XKR6: variants seen among roughly 807,000 people sequenced by gnomAD.
The protein encoded by XKR6 is XK related 6, also known as XK-related protein 6.
A neutral mutation model predicts 56.7 loss-of-function variants in XKR6; 22 were observed. The ratio of observed to expected loss-of-function variants is 0.39; its 90% CI spans 0.28 to 0.55. XKR6 has a LOEUF of 0.55. Among genes scored for constraint, XKR6 ranks in the 20% least tolerant of loss-of-function variants. The probability of loss-of-function intolerance (pLI) is 0.66; values close to 1 mark genes in which losing one functional copy is unlikely to be tolerated. For missense variants in XKR6, 852 were observed against 889.0 expected, an observed-to-expected ratio of 0.96 and a Z score of 0.53; for synonymous variants, 524 against 387.8, an observed-to-expected ratio of 1.35 and a Z score of -4.13.
At chr8:10,912,968 G>A (rs565930567) in intron 2 of XKR6, among the ~76,000 whole-genome samples, 2 of 150,546 alleles carry the variant, frequency 1.3e-5, no homozygotes, top group East Asian at 3.9e-4. Flanking sequence ...CATCTGTAGA[G>A]AGAAGATGAG....
chr8:11,069,899 G>A (rs1285231852), intron 1 of XKR6, among the ~76,000 whole-genome samples: 1 of 152,134 alleles, frequency 6.6e-6, no homozygotes, highest in Non-Finnish European at 1.5e-5. Context: ...GTCAACCTTG[G>A]GTATTTTAAT....
chr8:11,188,423 G>A (rs1205236099), intron 1 of XKR6, among the ~76,000 whole-genome samples: 10 of 152,082 alleles, frequency 6.6e-5, no homozygotes, highest in South Asian at 2.1e-4. Flanking sequence ...CTTCAGCTTC[G>A]TTTTGACAAC....
chr8:10,983,653 CT>C (rs201678404), intron 1 of XKR6, among the ~76,000 whole-genome samples: 2 of 144,594 alleles, frequency 1.4e-5, no homozygotes, highest in Admixed American at 6.8e-5. Context: ...CTTACATATT[CT>C]TTTTTTTGTT....
chr8:10,941,257 G>A (rs1801377727), intron 1 of XKR6, among the ~76,000 whole-genome samples: 1 of 152,112 alleles, frequency 6.6e-6, no homozygotes, highest in South Asian at 2.1e-4. Context: ...GCCCTTGACT[G>A]TCTGCAGGTT....
At chr8:10,995,940 A>G (rs10107384) in intron 1 of XKR6, among the ~76,000 whole-genome samples, 71,715 of 151,998 alleles carry the variant, frequency 0.47, 21,453 homozygotes, top group African/African-American at 0.85. Context: ...ATACTGGCCC[A>G]TGACCTTGGG....
intron 1 of XKR6, among the ~76,000 whole-genome samples, chr8:11,157,395 G>C (rs1801574139): frequency 1.3e-5 from 2 of 152,090 alleles, no homozygotes; most frequent in African/African-American, 4.8e-5. Context: ...TTTAACAGTG[G>C]GGGAAGCTGA....
At chr8:10,948,501 C>G (rs1801616533) in intron 1 of XKR6, among the ~76,000 whole-genome samples, 1 of 152,094 alleles carries the variant, frequency 6.6e-6, no homozygotes, top group African/African-American at 2.4e-5. Flanking sequence ...GCGGGGAAGA[C>G]CAGGTGAGCT....
At chr8:10,912,458 TATATATATAG>T (rs1356969712) in intron 2 of XKR6, among the ~76,000 whole-genome samples, 3 of 119,882 alleles carry the variant, frequency 2.5e-5, no homozygotes, top group African/African-American at 1.1e-4. Context: ...TATATATATA[TATATATATAG>T]AGAGAGAGAG....
chr8:11,179,573 A>C (rs912513893), intron 1 of XKR6, among the ~76,000 whole-genome samples: 8 of 152,110 alleles, frequency 5.3e-5, no homozygotes, highest in Non-Finnish European at 1.2e-4. Context: ...AAAACACTAG[A>C]GTTTCAGTCC....
rs530715458 is a variant in XKR6, at chr8:11,186,785, G to A, written c.764+13791C>T. On this transcript the variant is annotated intron_variant, in intron 1 of 2. Transcript: ENST00000416569. ...CCTGAGGATGTCGAAGCCACCACCAGCCATACCACCCCACGACAAACAATA... is the reference window on the plus strand; with the variant it reads ...CCTGAGGATGTCGAAGCCACCACCAACCATACCACCCCACGACAAACAATA... 2.0e-5 allele frequency among the ~76,000 whole-genome samples: 3 copies of A among 152,274 alleles called. No individual in the cohort carries two copies. In the East Asian group the frequency reaches 5.8e-4, roughly 29 times the overall value.
intron 1 of XKR6, among the ~76,000 whole-genome samples, chr8:11,147,810 G>GT (rs1391151897): frequency 6.6e-6 from 1 of 152,176 alleles, no homozygotes; most frequent in Non-Finnish European, 1.5e-5. Flanking sequence ...GTGCTGGCAA[G>GT]TATTACAGGC....
chr8:11,185,779 C>T (rs1180704539), intron 1 of XKR6, among the ~76,000 whole-genome samples: 1 of 152,104 alleles, frequency 6.6e-6, no homozygotes, highest in African/African-American at 2.4e-5. Flanking sequence ...TCCCTGAAGG[C>T]CATTTTTACC....
chr8:11,100,152 A>G (rs1586544018), intron 1 of XKR6, among the ~76,000 whole-genome samples: 1 of 152,138 alleles, frequency 6.6e-6, no homozygotes, highest in African/African-American at 2.4e-5. Context: ...CCCCAGACTC[A>G]GGCGATCCTT....
At chr8:11,129,297 C>A (rs1343744361) in intron 1 of XKR6, among the ~76,000 whole-genome samples, 1 of 152,154 alleles carries the variant, frequency 6.6e-6, no homozygotes, top group African/African-American at 2.4e-5. Context: ...TGAGAAAATA[C>A]CTAATACCCC....
chr8:10,981,440 T>C (rs1366058643), intron 1 of XKR6, among the ~76,000 whole-genome samples: 1 of 152,108 alleles, frequency 6.6e-6, no homozygotes, highest in African/African-American at 2.4e-5. Flanking sequence ...AGATTGCGGG[T>C]GAGGAGGACG....
intron 1 of XKR6, among the ~76,000 whole-genome samples, chr8:11,163,769 T>C (rs1350642894): frequency 6.6e-6 from 1 of 152,232 alleles, no homozygotes; most frequent in African/African-American, 2.4e-5. Flanking sequence ...TGTATCATTG[T>C]TATCACATTT....
At chr8:10,989,269 C>G (rs1211884514) in intron 1 of XKR6, among the ~76,000 whole-genome samples, 1 of 152,180 alleles carries the variant, frequency 6.6e-6, no homozygotes, top group Non-Finnish European at 1.5e-5. Flanking sequence ...TGAAGGCTGA[C>G]AGAATTTTAC....
intron 1 of XKR6, among the ~76,000 whole-genome samples, chr8:11,007,104 T>G (rs2129144682): frequency 6.6e-6 from 1 of 152,322 alleles, no homozygotes; most frequent in Non-Finnish European, 1.5e-5. Flanking sequence ...AGTCTTGTTG[T>G]ATCTGTCTTC....
intron 1 of XKR6, among the ~76,000 whole-genome samples, chr8:11,092,543 CA>C (rs1257189136): frequency 1.3e-5 from 2 of 152,250 alleles, no homozygotes; most frequent in East Asian, 3.9e-4. Context: ...GCAGTGGGGA[CA>C]GGGGGTATCC....
Sources: gnomAD v4.1 joint callset for allele counts (sites outside exome capture counted in the v4.1 genomes callset) on GRCh38, gnomAD v4.1.1 for gene constraint, MANE v1.5 for transcripts, NCBI Gene and HGNC (gene_info 2026-07-23, HGNC 2026-07-21) for gene names.